Variants in DAB1 observed in about 807,000 individuals in gnomAD.
The protein encoded by DAB1 is DAB adaptor protein 1.
Under a neutral mutation model 64.6 loss-of-function variants are expected in DAB1, and 15 were observed. That is an observed-to-expected ratio of 0.23 (90% CI 0.16 to 0.36). The LOEUF (loss-of-function observed/expected upper bound fraction) is 0.36. Among genes scored for constraint, DAB1 ranks in the 10% least tolerant of loss-of-function variants. The pLI is 1.00. For synonymous variants in DAB1, 235 were observed against 251.9 expected, an observed-to-expected ratio of 0.93 and a Z score of 0.64; for missense variants, 596 against 706.7, an observed-to-expected ratio of 0.84 and a Z score of 1.78.
chr1:57,217,532 A>C (rs1201220530), intron 2 of DAB1, among the ~76,000 whole-genome samples: 1 of 152,160 alleles, frequency 6.6e-6, no homozygotes, highest in Non-Finnish European at 1.5e-5. Flanking sequence ...AAAAAAAGAG[A>C]AGCTTATCAC....
At chr1:57,106,061 C>T (rs1382801138) in intron 4 of DAB1, among the ~76,000 whole-genome samples, 3 of 152,182 alleles carry the variant, frequency 2.0e-5, no homozygotes, top group Non-Finnish European at 4.4e-5. Flanking sequence ...ACCTACTTTG[C>T]TGGATTGTCA....
At chr1:57,057,669 A>G (rs780526665) in intron 9 of DAB1, among the ~76,000 whole-genome samples, 109 of 148,626 alleles carry the variant, frequency 7.3e-4, no homozygotes, top group Middle Eastern at 3.5e-3. Flanking sequence ...GTGCAGTGGC[A>G]TGATCTCGGC....
chr1:58,113,299 G>A (rs2100654719), intron 5 of DAB1, among the ~76,000 whole-genome samples: 1 of 152,246 alleles, frequency 6.6e-6, no homozygotes, highest in South Asian at 2.1e-4. Flanking sequence ...GTGCGTGGGA[G>A]AGGGACATGT....
chr1:57,724,023 GC>G (rs1179478361), intron 6 of DAB1, among the ~76,000 whole-genome samples: 3 of 152,116 alleles, frequency 2.0e-5, no homozygotes, highest in Non-Finnish European at 4.4e-5. Context: ...CTGAAGATTA[GC>G]TAGGAAGGAA....
At chr1:58,246,161 G>T (rs533085265) in intron 4 of DAB1, among the ~76,000 whole-genome samples, 1 of 152,250 alleles carries the variant, frequency 6.6e-6, no homozygotes, top group South Asian at 2.1e-4. Flanking sequence ...TAAATGTTTA[G>T]AAGGTGTCAA....
intron 6 of DAB1, among the ~76,000 whole-genome samples, chr1:57,688,714 A>G (rs1393214855): frequency 1.3e-5 from 2 of 152,202 alleles, no homozygotes; most frequent in Admixed American, 6.5e-5. Flanking sequence ...GTACATATAT[A>G]CCATGAAATA....
chr1:57,934,560 T>G (rs1644999463), intron 5 of DAB1, among the ~76,000 whole-genome samples: 1 of 152,226 alleles, frequency 6.6e-6, no homozygotes, highest in Non-Finnish European at 1.5e-5. Context: ...GATCACTATG[T>G]GCTAAATACC....
At chr1:58,013,477 A>T (rs551550696) in intron 5 of DAB1, among the ~76,000 whole-genome samples, 1 of 152,268 alleles carries the variant, frequency 6.6e-6, no homozygotes, top group Non-Finnish European at 1.5e-5. Context: ...AAAAGAGAAG[A>T]ATTTTTACTG....
rs961109063 is a variant in DAB1 at position 57,881,503 on chromosome 1, T to G, written n.87+2496A>C. On this transcript the variant is annotated intron_variant and non_coding_transcript_variant, in intron 1 of 1. Coordinates refer to the DAB1 transcript ENST00000477280. ...AATATTTATGTGATCTTGAGAGAAT[T>G]GCTTCACTTTTTGAATCTTTGCTTC... Among the ~76,000 whole-genome samples the G allele has an allele frequency of 3.9e-5, 6 of 152,356 alleles. No individual in the cohort carries two copies. The South Asian group carries it at 6.2e-4, about 16-fold the overall frequency.
chr1:57,482,499 A>G (rs1020468829), intron 7 of DAB1, among the ~76,000 whole-genome samples: 54 of 151,042 alleles, frequency 3.6e-4, no homozygotes, highest in Non-Finnish European at 1.0e-4. Flanking sequence ...AAAAAAAAAA[A>G]AAAAACAAGA....
intron 9 of DAB1, among the ~76,000 whole-genome samples, chr1:57,050,248 A>G (rs1057069910): frequency 1.3e-5 from 2 of 152,156 alleles, no homozygotes; most frequent in Non-Finnish European, 2.9e-5. Flanking sequence ...AGATGATTCC[A>G]TTAGCTTCTT....
chr1:57,765,277 C>T (rs1231807694), intron 6 of DAB1, among the ~76,000 whole-genome samples: 4 of 152,148 alleles, frequency 2.6e-5, no homozygotes, highest in Admixed American at 1.3e-4. Context: ...ATAAAAGATG[C>T]TTTAGCTATA....
chr1:57,608,224 TGA>T (rs1465764081), intron 7 of DAB1, among the ~76,000 whole-genome samples: 1 of 152,130 alleles, frequency 6.6e-6, no homozygotes, highest in East Asian at 1.9e-4. Context: ...ATATTAAAAT[TGA>T]ATGCACACAC....
At chr1:57,337,874 TCCCC>T (rs1677214308) in intron 1 of DAB1, among the ~76,000 whole-genome samples, 1 of 32,644 alleles carries the variant, frequency 3.1e-5, no homozygotes, top group African/African-American at 1.0e-4. Flanking sequence ...TTCCCTCCCC[TCCCC>T]TCCCTTCCCT....
chr1:57,961,349 C>T (rs886809559), intron 5 of DAB1, among the ~76,000 whole-genome samples: 3 of 151,740 alleles, frequency 2.0e-5, no homozygotes, highest in African/African-American at 7.3e-5. Flanking sequence ...AAGCTCTTAA[C>T]CTCTAAACTT....
chr1:57,457,085 G>A (rs1686623103), intron 7 of DAB1, among the ~76,000 whole-genome samples: 1 of 152,154 alleles, frequency 6.6e-6, no homozygotes, highest in South Asian at 2.1e-4. Flanking sequence ...TGGCAGAGAT[G>A]ATAGACAAAG....
In DAB1 at chr1:57,623,093, C is replaced by T. The variant is rs572733962; in HGVS notation, n.625+26499G>A. 6.6e-5 allele frequency among the ~76,000 whole-genome samples: 10 copies of T among 152,156 alleles called. No homozygotes were observed. In the East Asian group the frequency reaches 1.4e-3, roughly 21 times the overall value. On this transcript the variant is annotated intron_variant and non_coding_transcript_variant, in intron 7 of 20. Coordinates refer to the DAB1 transcript ENST00000485760. ...TTTTCCCTTCGTTATTTGTCATCGG[C>T]GGAGTGGTAATTGGTGTTTGAAATC...
intron 5 of DAB1, among the ~76,000 whole-genome samples, chr1:57,930,949 G>C (rs1415084989): frequency 6.6e-6 from 1 of 152,102 alleles, no homozygotes. Flanking sequence ...TAGTGAGAAG[G>C]CTTCTAGATT....
chr1:58,331,103 A>G (rs919194022), intron 4 of DAB1, among the ~76,000 whole-genome samples: 1 of 152,214 alleles, frequency 6.6e-6, no homozygotes, highest in African/African-American at 2.4e-5. Flanking sequence ...TCTGTAATTC[A>G]TGGGAGGAAG....
Sources: allele counts gnomAD v4.1 joint callset (sites outside exome capture counted in the v4.1 genomes callset), GRCh38; gene constraint gnomAD v4.1.1; transcripts MANE v1.5; gene names NCBI Gene and HGNC (gene_info 2026-07-23, HGNC 2026-07-21).